XKR4: variants seen among roughly 807,000 people sequenced by gnomAD.
XKR4 encodes the protein XK related 4, also known as XK-related protein 4.
A neutral mutation model predicts 53.9 loss-of-function variants in XKR4; 12 were observed. That is an observed-to-expected ratio of 0.22 (90% CI 0.14 to 0.36). The LOEUF (loss-of-function observed/expected upper bound fraction) is 0.36. Among genes scored for constraint, XKR4 ranks in the 10% least tolerant of loss-of-function variants. XKR4 has a pLI of 1.00. For synonymous variants in XKR4, 354 were observed against 362.4 expected (o/e 0.98, Z 0.26); for missense variants, 799 against 859.5 (o/e 0.93, Z 0.88).
chr8:55,520,467 TC>T (rs2129405693), intron 2 of XKR4, among the ~76,000 whole-genome samples: 1 of 152,266 alleles, frequency 6.6e-6, no homozygotes, highest in Admixed American at 6.5e-5. Context: ...ATGCCTATGG[TC>T]CCAGCTACTC....
intron 1 of XKR4, among the ~76,000 whole-genome samples, chr8:55,291,039 T>C (rs934345761): frequency 6.6e-6 from 1 of 152,232 alleles, no homozygotes; most frequent in Non-Finnish European, 1.5e-5. Context: ...AATTAACTTG[T>C]ATATAAAATG....
intron 2 of XKR4, among the ~76,000 whole-genome samples, chr8:55,468,079 T>C (rs1178309623): frequency 6.6e-6 from 1 of 152,156 alleles, no homozygotes; most frequent in East Asian, 1.9e-4. Context: ...TCAAATAGGA[T>C]TTCCAGTTTC....
intron 1 of XKR4, among the ~76,000 whole-genome samples, chr8:55,149,386 A>C (rs192491184): frequency 3.0e-3 from 453 of 152,248 alleles, no homozygotes; most frequent in African/African-American, 0.01. Context: ...ATCTGAAGGG[A>C]GGTCGGGGTG....
In XKR4 at chr8:55,538,967, C is replaced by G. The variant is rs1043759395; in HGVS notation, c.*14740C>G. ...CAAATATTTCGGAGAAGTTTTTACA[C>G]AGGGCTTCAGCTATATACTGATATA... On this transcript the variant is annotated 3_prime_UTR_variant, in exon 3 of 3. Transcript: ENST00000327381. 3.9e-5 allele frequency: 6 copies of G among 152,170 alleles called. No homozygotes were observed. Among genetic ancestry groups the G allele is most frequent in the African/African-American group, 1.4e-4 (6 of 41,434 alleles). 9.4% of individuals were successfully genotyped at this position (152,170 alleles called of 1,614,324 possible).
At chr8:55,328,599 A>C (rs1397106979) in intron 1 of XKR4, among the ~76,000 whole-genome samples, 1 of 152,164 alleles carries the variant, frequency 6.6e-6, no homozygotes, top group Non-Finnish European at 1.5e-5. Flanking sequence ...CAATCTCCTC[A>C]GAGTAGCAAT....
intron 1 of XKR4, among the ~76,000 whole-genome samples, chr8:55,237,888 C>T (rs982256148): frequency 9.9e-5 from 15 of 152,026 alleles, no homozygotes; most frequent in Admixed American, 2.6e-4. Context: ...TGTCTTCTCC[C>T]CTCCTCCATC....
At chr8:55,490,118 T>C (rs959909570) in intron 2 of XKR4, among the ~76,000 whole-genome samples, 2 of 152,242 alleles carry the variant, frequency 1.3e-5, no homozygotes, top group South Asian at 4.1e-4. Flanking sequence ...AGTTTGCTTC[T>C]AATATGCTTT....
rs575724920 is a variant in XKR4 at position 55,171,935 on chromosome 8, G to A, written c.806+68641G>A. Reference sequence around the variant, plus strand: ...CTTTGCAATCCATTCCTCCAGAGGGGTCTTTCTGATAGACGTGTTCTATCA... The same window carrying A: ...CTTTGCAATCCATTCCTCCAGAGGGATCTTTCTGATAGACGTGTTCTATCA... On this transcript the variant is annotated intron_variant, in intron 1 of 2. Coordinates refer to ENST00000327381, the MANE Select transcript of XKR4 (RefSeq NM_052898.2). Among the ~76,000 whole-genome samples, 16 of 152,222 alleles carry A rather than the reference G, an allele frequency of 1.1e-4. No homozygotes were observed. In the South Asian group the frequency reaches 1.2e-3, roughly 12 times the overall value.
chr8:55,264,848 C>A (rs1206052475), intron 1 of XKR4, among the ~76,000 whole-genome samples: 3 of 152,184 alleles, frequency 2.0e-5, no homozygotes, highest in East Asian at 1.9e-4. Context: ...ATATAACACA[C>A]ATGCTTTGTA....
chr8:55,161,109 TG>T (rs1309440265), intron 1 of XKR4, among the ~76,000 whole-genome samples: 3 of 152,198 alleles, frequency 2.0e-5, no homozygotes, highest in African/African-American at 7.2e-5. Context: ...TGCCAGCACC[TG>T]GACCTGCACA....
chr8:55,165,694 A>C (rs541484323), intron 1 of XKR4, among the ~76,000 whole-genome samples: 2 of 151,608 alleles, frequency 1.3e-5, no homozygotes, highest in East Asian at 2.0e-4. Context: ...AGTCCCAGCT[A>C]TGTGGGAGGC....
chr8:55,523,033 TG>T (rs1304777950), intron 2 of XKR4, among the ~76,000 whole-genome samples: 2 of 150,256 alleles, frequency 1.3e-5, no homozygotes, highest in Admixed American at 1.3e-4. Flanking sequence ...TCCCAGCTAC[TG>T]GGGAGGCTGA....
At chr8:55,238,771 C>A (rs1039471773) in intron 1 of XKR4, among the ~76,000 whole-genome samples, 4 of 152,150 alleles carry the variant, frequency 2.6e-5, no homozygotes, top group African/African-American at 9.7e-5. Flanking sequence ...CTGCCACATA[C>A]AGAGAAAAAT....
At chr8:55,121,015 G>T (rs1816383850) in intron 1 of XKR4, among the ~76,000 whole-genome samples, 1 of 152,100 alleles carries the variant, frequency 6.6e-6, no homozygotes, top group South Asian at 2.1e-4. Context: ...TATGCATTTA[G>T]GATTCCTCCA....
At position 55,141,871 on chromosome 8, in the gene XKR4, G is replaced by A. The variant is rs989346859; in HGVS notation, c.806+38577G>A. The stretch of plus-strand genomic sequence containing the variant: ...CAAGCAGCTCTAAGGGGCATAGAGG[G>A]GTGGGGGGTCCCGTGCTCACTGCAT... On this transcript the variant is annotated intron_variant, in intron 1 of 2. Coordinates refer to ENST00000327381, the MANE Select transcript of XKR4 (RefSeq NM_052898.2). Among the ~76,000 whole-genome samples, 5 of 152,194 alleles carry A rather than the reference G, an allele frequency of 3.3e-5. No individual in the cohort carries two copies. In the South Asian group the frequency reaches 8.3e-4, roughly 25 times the overall value.
intron 2 of XKR4, among the ~76,000 whole-genome samples, chr8:55,448,609 G>A (rs888336513): frequency 3.9e-5 from 6 of 152,098 alleles, no homozygotes; most frequent in African/African-American, 1.4e-4. Context: ...TCTCTTAGTG[G>A]GTTTCTACTC....
intron 2 of XKR4, among the ~76,000 whole-genome samples, chr8:55,470,667 A>G (rs1191643858): frequency 6.6e-6 from 1 of 152,178 alleles, no homozygotes; most frequent in Non-Finnish European, 1.5e-5. Flanking sequence ...CCCAGTTGTG[A>G]AGGGACTTAC....
At chr8:55,316,637 C>T (rs528809955) in intron 1 of XKR4, among the ~76,000 whole-genome samples, 50 of 152,272 alleles carry the variant, frequency 3.3e-4, no homozygotes, top group African/African-American at 1.1e-3. Flanking sequence ...CAGTTCCTCC[C>T]TTTTCCTCTG....
chr8:55,337,598 G>A (rs1202790340), intron 1 of XKR4, among the ~76,000 whole-genome samples: 2 of 152,100 alleles, frequency 1.3e-5, no homozygotes, highest in Non-Finnish European at 2.9e-5. Context: ...GAAAGACAGA[G>A]GCCAGTGAAA....
Sources: allele counts gnomAD v4.1 joint callset (sites outside exome capture counted in the v4.1 genomes callset), GRCh38; gene constraint gnomAD v4.1.1; transcripts MANE v1.5; gene names NCBI Gene and HGNC (gene_info 2026-07-23, HGNC 2026-07-21).